MACROD2: variants seen among roughly 807,000 people sequenced by gnomAD.
The protein encoded by MACROD2 is ADP-ribose glycohydrolase MACROD2.
In MACROD2, 36 loss-of-function variants were observed where a neutral mutation model predicts 70.4. That is an observed-to-expected ratio of 0.51 (90% CI 0.39 to 0.68). MACROD2 has a LOEUF of 0.68. Among genes scored for constraint, MACROD2 ranks in the 30% least tolerant of loss-of-function variants. The probability of loss-of-function intolerance (pLI) is 0.00; values close to 1 mark genes in which losing one functional copy is unlikely to be tolerated. For missense variants in MACROD2, 496 were observed against 538.4 expected (o/e 0.92, Z 0.78); for synonymous variants, 172 against 178.8 (o/e 0.96, Z 0.30).
Position 15,103,217 on chromosome 20 carries a change from C to G in MACROD2, c.419-126723C>G, listed in dbSNP as rs1268133778. On this transcript the variant is annotated intron_variant, in intron 5 of 17. Coordinates refer to ENST00000684519, the MANE Select transcript of MACROD2 (RefSeq NM_001351661.2). ...GAGGCTTAGCCAAATTATCAAAGAC[C>G]CAAGTTTCTTCCTTCTTTCCATTCT... Among the ~76,000 whole-genome samples, 4 of 152,176 alleles carry G rather than the reference C, an allele frequency of 2.6e-5. No homozygotes were observed. The South Asian group carries it at 6.2e-4, about 24-fold the overall frequency.
At chr20:14,394,134 A>G (rs1338361384) in intron 3 of MACROD2, among the ~76,000 whole-genome samples, 1 of 152,222 alleles carries the variant, frequency 6.6e-6, no homozygotes, top group Non-Finnish European at 1.5e-5. Flanking sequence ...TGAATACCAC[A>G]GTAGTTTTAG....
At chr20:14,287,220 C>T (rs975381456) in intron 3 of MACROD2, among the ~76,000 whole-genome samples, 3 of 152,152 alleles carry the variant, frequency 2.0e-5, no homozygotes, top group African/African-American at 7.2e-5. Flanking sequence ...ATCACCAGTG[C>T]AGTGATAATG....
intron 8 of MACROD2, among the ~76,000 whole-genome samples, chr20:15,817,530 C>T (rs979378469): frequency 7.2e-5 from 11 of 152,144 alleles, no homozygotes; most frequent in African/African-American, 2.2e-4. Context: ...CCAAACTATG[C>T]CCAAAATGAA....
intron 5 of MACROD2, among the ~76,000 whole-genome samples, chr20:15,138,276 TTC>T (rs1404865452): frequency 1.3e-5 from 2 of 152,142 alleles, no homozygotes. Context: ...AATATTTAAC[TTC>T]TGTTTGCTGA....
At chr20:14,628,958 T>C (rs1354086944) in intron 4 of MACROD2, 1 of 152,252 alleles carries the variant, frequency 6.6e-6, no homozygotes, top group Non-Finnish European at 1.5e-5. Context: ...ATGTTTTCTA[T>C]GTTCCCATTT....
At chr20:15,362,976 GAAGGAAAGAAAGAAGGAAGA>G (rs1405347176) in intron 6 of MACROD2, among the ~76,000 whole-genome samples, 3 of 151,890 alleles carry the variant, frequency 2.0e-5, no homozygotes, top group African/African-American at 7.2e-5. Context: ...GGAAAGGAAG[GAAGGAAAGAAAGAAGGAAGA>G]AAGGAAAGAA....
intron 5 of MACROD2, among the ~76,000 whole-genome samples, chr20:15,158,073 A>G (rs2076321795): frequency 6.6e-6 from 1 of 152,104 alleles, no homozygotes; most frequent in African/African-American, 2.4e-5. Context: ...AGTTCCCATT[A>G]TGAAATAAAT....
At chr20:15,978,238 C>A (rs1431763203) in intron 13 of MACROD2, among the ~76,000 whole-genome samples, 3 of 152,108 alleles carry the variant, frequency 2.0e-5, no homozygotes, top group Non-Finnish European at 2.9e-5. Context: ...CCCAGGACCA[C>A]CCCCCTCCCC....
chr20:14,732,290 T>C (rs957143026), intron 5 of MACROD2, among the ~76,000 whole-genome samples: 6 of 152,204 alleles, frequency 3.9e-5, no homozygotes, highest in African/African-American at 1.4e-4. Flanking sequence ...GTGTTTCTAG[T>C]ATTTCTTGGG....
At chr20:15,739,249 T>C (rs76396237) in intron 8 of MACROD2, among the ~76,000 whole-genome samples, 1 of 152,334 alleles carries the variant, frequency 6.6e-6, no homozygotes, top group Non-Finnish European at 1.5e-5. Context: ...GTTTTGATGA[T>C]GTTGAGTCAG....
At chr20:15,018,690 G>T (rs940431149) in intron 5 of MACROD2, among the ~76,000 whole-genome samples, 1 of 152,156 alleles carries the variant, frequency 6.6e-6, no homozygotes, top group East Asian at 1.9e-4. Flanking sequence ...TCCTTTTCAC[G>T]TTTTTCTGCC....
At chr20:14,192,346 G>C (rs2081395917) in intron 3 of MACROD2, among the ~76,000 whole-genome samples, 1 of 152,092 alleles carries the variant, frequency 6.6e-6, no homozygotes, top group South Asian at 2.1e-4. Flanking sequence ...TAAGTAGCAG[G>C]TTGAGAGTGT....
chr20:14,120,717 A>T (rs1279633601), intron 3 of MACROD2, among the ~76,000 whole-genome samples: 2 of 151,596 alleles, frequency 1.3e-5, no homozygotes, highest in African/African-American at 4.8e-5. Context: ...ACATGAAATC[A>T]GAACACCATG....
At chr20:15,956,005 A>G (rs539446953) in intron 12 of MACROD2, among the ~76,000 whole-genome samples, 1 of 152,178 alleles carries the variant, frequency 6.6e-6, no homozygotes, top group African/African-American at 2.4e-5. Context: ...TTGATACAAT[A>G]TTTTACATTC....
At chr20:15,848,947 G>A (rs1159867210) in intron 8 of MACROD2, among the ~76,000 whole-genome samples, 2 of 152,176 alleles carry the variant, frequency 1.3e-5, no homozygotes. Flanking sequence ...TAGCTGAGGG[G>A]CATGTTCCTC....
chr20:14,711,204 T>G (rs538085660), intron 5 of MACROD2, among the ~76,000 whole-genome samples: 49 of 152,314 alleles, frequency 3.2e-4, no homozygotes, highest in Admixed American at 2.2e-3. Context: ...TCAACACAGA[T>G]AGCCATCTTT....
At chr20:15,045,570 A>G (rs974524504) in intron 5 of MACROD2, among the ~76,000 whole-genome samples, 2 of 152,152 alleles carry the variant, frequency 1.3e-5, no homozygotes, top group Non-Finnish European at 2.9e-5. Flanking sequence ...CTAAATCATG[A>G]TTTGATTCAT....
At chr20:15,504,519 G>A (rs1396176246) in intron 8 of MACROD2, among the ~76,000 whole-genome samples, 1 of 152,138 alleles carries the variant, frequency 6.6e-6, no homozygotes, top group Non-Finnish European at 1.5e-5. Context: ...ATTGCTATGA[G>A]AAGATCAGAT....
At position 14,560,315 on chromosome 20, in the gene MACROD2, AC is replaced by A. The variant is rs1979343022; in HGVS notation, c.301+66808del. On this transcript the variant is annotated intron_variant, in intron 4 of 17. Coordinates refer to ENST00000684519, the MANE Select transcript of MACROD2 (RefSeq NM_001351661.2). Reference sequence around the variant, plus strand: ...GAATGACTGTACTTAATGTACACACACACACACACACACACACACACACAGG... The same window carrying A: ...GAATGACTGTACTTAATGTACACACAACACACACACACACACACACACAGG... Among the ~76,000 whole-genome samples the A allele has an allele frequency of 5.3e-5, 8 of 151,022 alleles. No homozygotes were observed. In the South Asian group the frequency reaches 1.7e-3, roughly 32 times the overall value.
Sources: gnomAD v4.1 joint callset for allele counts (sites outside exome capture counted in the v4.1 genomes callset) on GRCh38, gnomAD v4.1.1 for gene constraint, MANE v1.5 for transcripts, NCBI Gene and HGNC (gene_info 2026-07-23, HGNC 2026-07-21) for gene names.